The following AUNIP variants were observed in gnomAD, a reference collection of about 807,000 sequenced individuals.
AUNIP encodes the protein aurora kinase A- and ninein-interacting protein.
In AUNIP, 16 loss-of-function variants were observed where a neutral mutation model predicts 12.2. The observed-to-expected ratio is 1.31, with a 90% CI of 0.88 to 1.99. The LOEUF (loss-of-function observed/expected upper bound fraction) is 1.99. Among genes scored for constraint, AUNIP ranks in the 30% most tolerant of loss-of-function variants. AUNIP has a pLI of 0.00. For missense variants in AUNIP, 411 were observed against 419.1 expected (o/e 0.98, Z 0.17); for synonymous variants, 142 against 154.8 (o/e 0.92, Z 0.61).
Position 25,834,056 on chromosome 1 carries a change from C to G in AUNIP, c.*937G>C. Reference sequence around the variant, plus strand: ...CATAGTTTTACAAAGGGGATTCCCTCCTATCTTGTGGGAAAAGGGTAACAG... The same window carrying G: ...CATAGTTTTACAAAGGGGATTCCCTGCTATCTTGTGGGAAAAGGGTAACAG... On this transcript the variant is annotated 3_prime_UTR_variant, in exon 3 of 3. Coordinates refer to ENST00000374298, the MANE Select transcript of AUNIP (RefSeq NM_024037.3). The G allele has an allele frequency of 1.0e-6, 1 of 985,376 alleles. No homozygotes were observed. The highest frequency in any genetic ancestry group is 1.2e-6 in the Non-Finnish European group (1 of 829,874). The allele number at this position is 985,376 out of a possible 1,614,324, so 61.0% of individuals were successfully genotyped here.
At chr1:25,833,017 T>C (rs1045878099), downstream of AUNIP, 2 of 152,184 alleles carry the variant, frequency 1.3e-5, no homozygotes, top group African/African-American at 2.4e-5. Context: ...AATTTTAAGG[T>C]GTATGAACTT....
chr1:25,837,637 T>C, intron 1 of AUNIP, 83 bp from the exon 2 acceptor site: 2 of 1,401,110 alleles, frequency 1.4e-6, no homozygotes, highest in South Asian at 1.4e-5. Flanking sequence ...CCAGTGATCC[T>C]CTGAGAACCA....
At chr1:25,854,874 A>G (rs1383823561) in intron 1 of AUNIP, among the ~76,000 whole-genome samples, 1 of 152,162 alleles carries the variant, frequency 6.6e-6, no homozygotes, top group Non-Finnish European at 1.5e-5. Flanking sequence ...TGTCCTCACA[A>G]CATGACAGCT....
intron 1 of AUNIP, among the ~76,000 whole-genome samples, chr1:25,843,707 T>A (rs2048362415): frequency 6.6e-6 from 1 of 151,858 alleles, no homozygotes; most frequent in African/African-American, 2.4e-5. Context: ...TGGATGACTT[T>A]GCAGTATTTA....
intron 2 of AUNIP, 120 bp from the exon 3 acceptor site, chr1:25,835,966 ACT>A (rs2048299801): frequency 7.1e-7 from 1 of 1,403,998 alleles, no homozygotes; most frequent in Non-Finnish European, 9.5e-7. Flanking sequence ...GAGTCTTAAG[ACT>A]CTTCACATAA....
In AUNIP at chr1:25,834,254, A is replaced by G. The variant is rs1383984222; in HGVS notation, c.*739T>C. ...GTGGGGAGATTTGCTAATCACTGAA[A>G]AAAAAGGGTCAAGAGTAATCATCCC... On this transcript the variant is annotated 3_prime_UTR_variant, in exon 3 of 3. Transcript: ENST00000374298. 1.0e-6 allele frequency: 1 copy of G among 985,260 alleles called. No homozygotes were observed. Among genetic ancestry groups the G allele is most frequent in the African/African-American group, 1.7e-5 (1 of 57,214 alleles). 61.0% of individuals were successfully genotyped at this position (985,260 alleles called of 1,614,324 possible).
chr1:25,853,108 TAG>T (rs1249640634), intron 1 of AUNIP, among the ~76,000 whole-genome samples: 1 of 151,476 alleles, frequency 6.6e-6, no homozygotes, highest in Non-Finnish European at 1.5e-5. Context: ...TGTTGTTGGG[TAG>T]ACTGTTCTAT....
chr1:25,850,041 G>A (rs2048415461), intron 1 of AUNIP, among the ~76,000 whole-genome samples: 1 of 151,858 alleles, frequency 6.6e-6, no homozygotes, highest in East Asian at 1.9e-4. Flanking sequence ...GAACATTTGT[G>A]TGCAAGTTTT....
At position 25,847,840 on chromosome 1, in the gene AUNIP, G is replaced by C. The variant is rs538868974; in HGVS notation, c.79-10286C>G. ...CATGCCTGTGGTCCCTGCTACTTGG[G>C]AGGCTGAGGTGAGAGAATCGATTGA... On this transcript the variant is annotated intron_variant, in intron 1 of 2. Transcript: ENST00000374298. This position sits in a 1 kb window ranked among gnomAD's most constrained non-coding sequence, Gnocchi z 4.2. Among the ~76,000 whole-genome samples, 1 of 151,824 alleles carries C rather than the reference G, an allele frequency of 6.6e-6. No individual in the cohort carries two copies. The highest frequency in any genetic ancestry group is 6.6e-5 in the Admixed American group (1 of 15,262).
At position 25,859,453 on chromosome 1, in the gene AUNIP, C is replaced by G; in HGVS notation, c.-96G>C. 8.4e-7 allele frequency: 1 copy of G among 1,184,152 alleles called. No homozygotes were observed. The highest frequency in any genetic ancestry group is 1.1e-6 in the Non-Finnish European group (1 of 894,150). The allele number at this position is 1,184,152 out of a possible 1,614,324, so 73.4% of individuals were successfully genotyped here. The stretch of plus-strand genomic sequence containing the variant: ...CGGCCGCCGACGTTCGGATCTCGCG[C>G]CAACGCTGGGGGCGGGGCTACGTCG... On this transcript the variant is annotated 5_prime_UTR_variant, in exon 1 of 3. Transcript: ENST00000374298.
chr1:25,837,623 C>T (rs947083243), intron 1 of AUNIP, 69 bp from the exon 2 acceptor site: 1 of 1,488,846 alleles, frequency 6.7e-7, no homozygotes, highest in Non-Finnish European at 9.2e-7. Flanking sequence ...AGATTCAGTA[C>T]ACACCAGTGA....
At chr1:25,837,719 C>T (rs1325723318) in intron 1 of AUNIP, among the ~76,000 whole-genome samples, 165 bp from the exon 2 acceptor site, 1 of 152,106 alleles carries the variant, frequency 6.6e-6, no homozygotes, top group Non-Finnish European at 1.5e-5. Context: ...CTTCCATTTC[C>T]AGCCATTGTA....
At chr1:25,859,110 T>C (rs1364568111) in intron 1 of AUNIP, among the ~76,000 whole-genome samples, 170 bp downstream of exon 1, 1 of 152,034 alleles carries the variant, frequency 6.6e-6, no homozygotes, top group Non-Finnish European at 1.5e-5. Context: ...AGCCCCGTTT[T>C]TCAACCTTCT....
chr1:25,836,124 T>C (rs964602466), intron 2 of AUNIP, among the ~76,000 whole-genome samples: 11 of 152,358 alleles, frequency 7.2e-5, no homozygotes, highest in Middle Eastern at 3.4e-3. Flanking sequence ...GATCAGACCA[T>C]AGCCTACTTT....
chr1:25,849,792 C>G (rs1309857034), intron 1 of AUNIP, among the ~76,000 whole-genome samples: 1 of 152,112 alleles, frequency 6.6e-6, no homozygotes, highest in East Asian at 1.9e-4. Context: ...TGCCACCATG[C>G]CTGGCTAAGT....
Position 25,834,768 on chromosome 1 carries a change from G to A in AUNIP, c.*225C>T. 7.1e-7 allele frequency: 1 copy of A among 1,400,742 alleles called. No individual in the cohort carries two copies. The highest frequency in any genetic ancestry group is 2.6e-5 in the East Asian group (1 of 38,298). The allele number at this position is 1,400,742 out of a possible 1,614,324, so 86.8% of individuals were successfully genotyped here. A position where few individuals can be genotyped will look rare whatever the true frequency, so the allele number is the denominator to read the frequency against. On this transcript the variant is annotated 3_prime_UTR_variant, in exon 3 of 3. Transcript: ENST00000374298. ...TCAGTGTTCATCATAGACTCATTCA[G>A]GGAATTTACCAGCCACCACCTTCCT...
chr1:25,837,320 T>A, intron 2 of AUNIP, 93 bp downstream of exon 2: 1 of 1,424,456 alleles, frequency 7.0e-7, no homozygotes. Flanking sequence ...ATGCACTGGT[T>A]TCACCATTTC....
At chr1:25,844,092 C>G (rs2048365951) in intron 1 of AUNIP, among the ~76,000 whole-genome samples, 1 of 152,130 alleles carries the variant, frequency 6.6e-6, no homozygotes, top group African/African-American at 2.4e-5. Context: ...GTCATCGAGG[C>G]AGCAAGTTTC....
Position 25,843,622 on chromosome 1 carries a change from AAG to A in AUNIP, c.79-6070_79-6069del, listed in dbSNP as rs1331592233. Among the ~76,000 whole-genome samples the A allele has an allele frequency of 6.3e-4, 89 of 141,308 alleles. 5 individuals carry two copies. The highest frequency in any genetic ancestry group is 2.6e-3 in the African/African-American group (85 of 32,376). The allele number at this position is 141,308 out of a possible 152,430, so 92.7% of individuals were successfully genotyped here. On this transcript the variant is annotated intron_variant, in intron 1 of 2. Transcript: ENST00000374298. ...AAAAAAAAAAAAAAAAAAAAAAAAA[AAG>A]GGATTCATGATTCATGGGAGGAGGT... is the stretch of plus-strand genomic sequence containing the variant.
Sources: gnomAD v4.1 joint callset for allele counts (sites outside exome capture counted in the v4.1 genomes callset) on GRCh38, gnomAD v4.1.1 for gene constraint, Gnocchi (gnomAD v3.1) non-coding constraint, MANE v1.5 for transcripts, NCBI Gene and HGNC (gene_info 2026-07-23, HGNC 2026-07-21) for gene names.